RBFOX1: variants seen among roughly 807,000 people sequenced by gnomAD.
The protein encoded by RBFOX1 is RNA binding fox-1 homolog 1, also known as RNA binding protein fox-1 homolog 1.
A neutral mutation model predicts 57.7 loss-of-function variants in RBFOX1; 8 were observed. The observed-to-expected ratio is 0.14, with a 90% CI of 0.08 to 0.25. The LOEUF (loss-of-function observed/expected upper bound fraction) is 0.25, where lower values mean the gene tolerates loss of function less well. RBFOX1 is among the 10% of genes least tolerant of loss of function. RBFOX1 has a pLI of 1.00. For missense variants in RBFOX1, 611 were observed against 548.5 expected (o/e 1.11, Z -1.14); for synonymous variants, 326 against 222.4 (o/e 1.47, Z -4.15).
intron 6 of RBFOX1, among the ~76,000 whole-genome samples, chr16:7,581,559 A>G (rs17144189): frequency 0.057 from 8,723 of 152,184 alleles, 814 homozygotes; most frequent in African/African-American, 0.19. Flanking sequence ...GCAGGCTACA[A>G]TGCTAAGTCA....
At chr16:6,548,750 G>T (rs1284762581) in intron 2 of RBFOX1, among the ~76,000 whole-genome samples, 1 of 152,070 alleles carries the variant, frequency 6.6e-6, no homozygotes, top group African/African-American at 2.4e-5. Flanking sequence ...ACCAGGCATC[G>T]TTAGGTTTCT....
chr16:7,684,441 T>G (rs1330593799), intron 14 of RBFOX1, among the ~76,000 whole-genome samples: 2 of 152,106 alleles, frequency 1.3e-5, no homozygotes, highest in African/African-American at 4.8e-5. Flanking sequence ...TACATTATGA[T>G]GTGTGACTGT....
intron 2 of RBFOX1, among the ~76,000 whole-genome samples, chr16:6,320,592 C>T (rs1360456188): frequency 2.6e-5 from 4 of 151,910 alleles, no homozygotes; most frequent in African/African-American, 9.7e-5. Flanking sequence ...CACAATCAAG[C>T]TACTTAACAT....
intron 4 of RBFOX1, among the ~76,000 whole-genome samples, chr16:7,368,607 T>C (rs1596603342): frequency 6.6e-6 from 1 of 151,698 alleles, no homozygotes. Context: ...TGAAACCCCC[T>C]GTCTACTAAA....
chr16:7,015,228 T>C (rs532064380), intron 3 of RBFOX1, among the ~76,000 whole-genome samples: 90 of 152,242 alleles, frequency 5.9e-4, no homozygotes, highest in African/African-American at 1.9e-3. Flanking sequence ...AAGGCATTAG[T>C]ATCATTATAG....
At chr16:7,442,807 T>C (rs2098779272) in intron 4 of RBFOX1, among the ~76,000 whole-genome samples, 1 of 152,112 alleles carries the variant, frequency 6.6e-6, no homozygotes. Context: ...ATCAGCTAAT[T>C]TGGTCAGGGT....
chr16:7,693,116 C>T (rs1310694140), intron 14 of RBFOX1, among the ~76,000 whole-genome samples: 1 of 152,100 alleles, frequency 6.6e-6, no homozygotes, highest in Non-Finnish European at 1.5e-5. Flanking sequence ...CGTATTCTGA[C>T]ATTACCATGA....
At chr16:6,136,971 C>G (rs1221142112) in intron 1 of RBFOX1, among the ~76,000 whole-genome samples, 2 of 152,074 alleles carry the variant, frequency 1.3e-5, no homozygotes, top group East Asian at 1.9e-4. Context: ...TTTAATTTGC[C>G]TTTTTTAATT....
intron 1 of RBFOX1, among the ~76,000 whole-genome samples, chr16:5,364,782 G>T (rs560448797): frequency 1.3e-5 from 2 of 150,970 alleles, no homozygotes; most frequent in Non-Finnish European, 3.0e-5. Context: ...TGAGGCAGGT[G>T]CTGCTTTAAA....
At chr16:7,621,477 G>A (rs547180055) in intron 10 of RBFOX1, among the ~76,000 whole-genome samples, 25 of 152,004 alleles carry the variant, frequency 1.6e-4, no homozygotes, top group Non-Finnish European at 3.4e-4. Flanking sequence ...CTCCAGGCTG[G>A]TCTTGAACTC....
At chr16:5,255,035 T>C (rs1164645264) in intron 1 of RBFOX1, among the ~76,000 whole-genome samples, 3 of 152,172 alleles carry the variant, frequency 2.0e-5, no homozygotes, top group Non-Finnish European at 4.4e-5. Context: ...AGCCAGTTGA[T>C]TATTGGTTGC....
chr16:7,463,316 C>T (rs1033125097), intron 4 of RBFOX1, among the ~76,000 whole-genome samples: 7 of 152,072 alleles, frequency 4.6e-5, no homozygotes, highest in Non-Finnish European at 8.8e-5. Flanking sequence ...CCAGCATGGG[C>T]AACATGGTGT....
At chr16:5,359,610 G>A (rs948821973) in intron 1 of RBFOX1, among the ~76,000 whole-genome samples, 1 of 152,182 alleles carries the variant, frequency 6.6e-6, no homozygotes, top group African/African-American at 2.4e-5. Flanking sequence ...TTTTAGGTCT[G>A]CTTTTGAGAT....
rs1460448503 is a variant in RBFOX1 at position 5,441,344 on chromosome 16, A to G, written c.220-25872A>G. On this transcript the variant is annotated intron_variant, in intron 1 of 2. Transcript: ENST00000585867. ...AATAAAGACATACCTGAGACTGGTT[A>G]ATTTATAAAGGAAAGAGGGTTTTTT... Among the ~76,000 whole-genome samples, 4 of 148,616 alleles carry G rather than the reference A, an allele frequency of 2.7e-5. No homozygotes were observed. The East Asian group carries it at 8.0e-4, about 30-fold the overall frequency.
At chr16:5,995,607 C>G (rs1269144106) in intron 4 of RBFOX1, among the ~76,000 whole-genome samples, 1 of 152,158 alleles carries the variant, frequency 6.6e-6, no homozygotes, top group East Asian at 1.9e-4. Flanking sequence ...ATTCAATTTT[C>G]TAAAATAGAA....
At chr16:5,839,017 C>T (rs2056545990) in intron 3 of RBFOX1, among the ~76,000 whole-genome samples, 3 of 152,142 alleles carry the variant, frequency 2.0e-5, no homozygotes, top group Non-Finnish European at 4.4e-5. Context: ...CTGGGGAGTG[C>T]TCCTGGCATA....
chr16:7,118,594 A>G (rs1008401914), intron 4 of RBFOX1, among the ~76,000 whole-genome samples: 1 of 152,172 alleles, frequency 6.6e-6, no homozygotes, highest in African/African-American at 2.4e-5. Flanking sequence ...AATAAACCTT[A>G]TATAATCACA....
chr16:6,611,743 C>G (rs1200267686), intron 2 of RBFOX1, among the ~76,000 whole-genome samples: 3 of 152,160 alleles, frequency 2.0e-5, no homozygotes, highest in African/African-American at 4.8e-5. Context: ...AGTGGAAACT[C>G]TGAATGCAGG....
chr16:6,498,839 T>C (rs921018947), intron 2 of RBFOX1, among the ~76,000 whole-genome samples: 1 of 152,202 alleles, frequency 6.6e-6, no homozygotes, highest in Non-Finnish European at 1.5e-5. Flanking sequence ...AGCCAAGATA[T>C]GCATGGTAAA....
Sources: allele counts gnomAD v4.1 joint callset (sites outside exome capture counted in the v4.1 genomes callset), GRCh38; gene constraint gnomAD v4.1.1; transcripts MANE v1.5; gene names NCBI Gene and HGNC (gene_info 2026-07-23, HGNC 2026-07-21).